RNF31: variants seen among roughly 807,000 people sequenced by gnomAD.
The protein encoded by RNF31 is ring finger protein 31, also known as E3 ubiquitin-protein ligase RNF31.
A neutral mutation model predicts 133.6 loss-of-function variants in RNF31; 38 were observed. The ratio of observed to expected loss-of-function variants is 0.28; its 90% CI spans 0.22 to 0.37. The LOEUF is 0.37. Ranked by LOEUF, RNF31 falls within the 10% of genes least tolerant of loss-of-function variation. The pLI is 1.00. For synonymous variants in RNF31, 582 were observed against 552.3 expected (o/e 1.05, Z -0.75); for missense variants, 1,118 against 1,394.1 (o/e 0.80, Z 3.15).
rs1594374055 is a variant in RNF31 at position 24,148,632 on chromosome 14, A to G, written c.496-10A>G. 1.2e-6 allele frequency: 2 copies of G among 1,614,090 alleles called. No individual in the cohort carries two copies. Among genetic ancestry groups the G allele is most frequent in the Admixed American group, 1.7e-5 (1 of 60,014 alleles). On this transcript the variant is annotated splice_polypyrimidine_tract_variant and intron_variant, in intron 3 of 20. Transcript: ENST00000324103. The stretch of plus-strand genomic sequence containing the variant: ...CTAGCTGGAAACCGTTTTTATCTGT[A>G]TTATTGCAGAATACTCATCCAAGAC...
At chr14:24,154,346 G>A (rs1054635600) in intron 11 of RNF31, among the ~76,000 whole-genome samples, 1 of 151,988 alleles carries the variant, frequency 6.6e-6, no homozygotes, top group Non-Finnish European at 1.5e-5. Context: ...TAGTAGAGAC[G>A]GGTCAGGCTG....
chr14:24,148,910 A>G, intron 5 of RNF31, 34 bp downstream of exon 5: 2 of 1,565,962 alleles, frequency 1.3e-6, no homozygotes, highest in Non-Finnish European at 1.8e-6. Context: ...ACCAGGTAGG[A>G]AGCTATATTG....
chr14:24,149,242 C>G (rs2038226608), intron 5 of RNF31, 164 bp from the exon 6 acceptor site: 4 of 724,150 alleles, frequency 5.5e-6, no homozygotes, highest in Non-Finnish European at 8.9e-6. Context: ...AGATTACCTG[C>G]ATGAGCCACC....
At position 24,149,440 on chromosome 14, in the gene RNF31, T is replaced by C; in HGVS notation, c.666T>C (p.Ser222=). ...STPGPCFLCG[S]APGTLHCPSC... is the part of the protein sequence containing the mutation. ...CTGGTCCCTGCTTCCTCTGTGGTTC[T>C]GCCCCAGGCACACTGCACTGCCCAT... The change falls in exon 6 of 21, where the codon TCT becomes TCC. Residue 222 remains serine, a synonymous_variant. Transcript: ENST00000324103. The C allele has an allele frequency of 1.2e-6, 2 of 1,614,194 alleles. No homozygotes were observed. The highest frequency in any genetic ancestry group is 1.7e-6 in the Non-Finnish European group (2 of 1,180,014).
intron 5 of RNF31, 154 bp from the exon 6 acceptor site, chr14:24,149,252 C>T (rs2038226735): frequency 3.8e-6 from 3 of 791,112 alleles, no homozygotes; most frequent in Admixed American, 2.9e-5. Context: ...CATGAGCCAC[C>T]ACGCCCGGCC....
chr14:24,159,222 C>T (rs2038400230), intron 18 of RNF31, among the ~76,000 whole-genome samples: 1 of 151,338 alleles, frequency 6.6e-6, no homozygotes, highest in Admixed American at 6.6e-5. Context: ...TGGCAGGCAC[C>T]TGTAATCCCA....
intron 11 of RNF31, 41 bp downstream of exon 11, chr14:24,152,033 A>G (rs777802768): frequency 1.9e-6 from 3 of 1,579,360 alleles, no homozygotes; most frequent in Admixed American, 1.7e-5. Flanking sequence ...GAATTACTCT[A>G]TTCTTTTGGA....
At chr14:24,159,584 C>CAAAAAAAAAAAAAAAAAAAAAAAAACA (rs59295225) in intron 18 of RNF31, among the ~76,000 whole-genome samples, 1 of 82,196 alleles carries the variant, frequency 1.2e-5, no homozygotes, top group Non-Finnish European at 2.5e-5. Flanking sequence ...AAATAACAAC[C>CAAAAAAAAAAAAAAAAAAAAAAAAACA]AAAAAAAAAA....
intron 14 of RNF31, among the ~76,000 whole-genome samples, chr14:24,156,453 G>A (rs2038342131): frequency 6.6e-6 from 1 of 152,092 alleles, no homozygotes; most frequent in African/African-American, 2.4e-5. Context: ...ACAGGCATGA[G>A]CCACTATGCC....
At chr14:24,159,010 G>A (rs1274833268) in intron 18 of RNF31, among the ~76,000 whole-genome samples, 1 of 136,616 alleles carries the variant, frequency 7.3e-6, no homozygotes, top group Non-Finnish European at 1.5e-5. Context: ...TCCAGCCTGG[G>A]CAACAGAGCG....
In RNF31 at chr14:24,147,864, C is replaced by T; in HGVS notation, c.166C>T (p.Leu56Phe). The stretch of plus-strand genomic sequence containing the variant: ...CTACCTGCAGCTGGACGCCGCACGC[C>T]TTGTCCGCTGCAACGCTCATGGGGA... ...ARYLQLDAAR[L>F]VRCNAHGEPR... is the part of the protein sequence containing the mutation. Residue 56 changes from leucine (L) to phenylalanine (F), a missense_variant, in exon 1 of 21, where the codon CTT becomes TTT. By Grantham distance (22) the Leu-to-Phe change is conservative (BLOSUM62 0). Transcript: ENST00000324103. 1 of 1,611,158 alleles carries T rather than the reference C, an allele frequency of 6.2e-7. No homozygotes were observed. The highest frequency in any genetic ancestry group is 8.5e-7 in the Non-Finnish European group (1 of 1,179,684).
Position 24,157,905 on chromosome 14 carries a change from C to T in RNF31, c.2735C>T (p.Pro912Leu). ...YNAFYAKNKC[P>L]EPNCRVKKSL... ...CATCTGGGTTTCTGCCAGAAATGTC[C>T]AGAGCCTAACTGCAGGGTGAAAAAG... Residue 912 changes from proline to leucine, a missense_variant, in exon 17 of 21, where the codon CCA (proline) becomes CTA (leucine). Physicochemically the swap from Pro to Leu is moderately conservative, Grantham distance 98 (BLOSUM62 -3). Coordinates refer to ENST00000324103, the MANE Select transcript of RNF31 (RefSeq NM_017999.5). The T allele has an allele frequency of 1.2e-6, 2 of 1,613,778 alleles. No individual in the cohort carries two copies. The highest frequency in any genetic ancestry group is 2.2e-5 in the South Asian group (2 of 91,064).
rs898431473 is a variant in RNF31 at position 24,148,328 on chromosome 14, G to A, written c.410G>A (p.Gly137Glu). The A allele has an allele frequency of 6.2e-7, 1 of 1,614,114 alleles. No individual in the cohort carries two copies. The highest frequency in any genetic ancestry group is 1.3e-5 in the African/African-American group (1 of 74,940). Residue 137 changes from glycine (G) to glutamate (E), a missense_variant, in exon 3 of 21, where the codon GGG becomes GAG. Gly to Glu is a moderately conservative substitution (Grantham distance 98). Transcript: ENST00000324103. ...EQPDGLSFPE[G>E]QEEPDEHQVA... ...CCAGATGGGTTGAGCTTCCCCGAAG[G>A]GCAGGAGGAGCCAGATGAGCACCAG... is the stretch of plus-strand genomic sequence containing the variant.
chr14:24,150,951 G>T, intron 8 of RNF31, 63 bp downstream of exon 8: 1 of 1,523,602 alleles, frequency 6.6e-7, no homozygotes, highest in South Asian at 1.3e-5. Flanking sequence ...TGCTGCAGGT[G>T]GTTAATAGTT....
In RNF31 at chr14:24,160,325, C is replaced by T. The variant is rs758719665; in HGVS notation, c.3083C>T (p.Thr1028Met). 7.4e-6 allele frequency: 12 copies of T among 1,614,198 alleles called. No individual in the cohort carries two copies. Among genetic ancestry groups the T allele is most frequent in the East Asian group, 4.5e-5 (2 of 44,886 alleles). The change falls in exon 20 of 21, where the codon ACG becomes ATG. Residue 1028 changes from threonine (T) to methionine (M), a missense_variant. This residue lies in a region of RNF31 where 170 missense variants were observed against 194.5 expected (regional missense o/e 0.87). Coordinates refer to ENST00000324103, the MANE Select transcript of RNF31 (RefSeq NM_017999.5). The surrounding 1 kb of genome is among the most constrained non-coding windows in gnomAD (Gnocchi z 4.0). ...TTGTATGAGGTGGAAGAGCTGGAGACGGCCACTGAGCGCTACCTGCACGTA... is the reference window on the plus strand; with the variant it reads ...TTGTATGAGGTGGAAGAGCTGGAGATGGCCACTGAGCGCTACCTGCACGTA... Reference protein sequence around the residue: ...ATLYEVEELETATERYLHVRP... With the variant: ...ATLYEVEELEMATERYLHVRP...
At chr14:24,153,336 T>G (rs981679216) in intron 11 of RNF31, among the ~76,000 whole-genome samples, 14 of 152,086 alleles carry the variant, frequency 9.2e-5, no homozygotes, top group African/African-American at 2.9e-4. Context: ...CCCTGCACTT[T>G]GGGAGGCCAA....
Position 24,151,582 on chromosome 14 carries a change from T to C in RNF31, c.1835T>C (p.Leu612Pro), listed in dbSNP as rs747554047. Residue 612 changes from leucine (L) to proline (P), a missense_variant, in exon 10 of 21, where the codon CTA becomes CCA. Physicochemically the swap from Leu to Pro is moderately conservative, Grantham distance 98. Around this residue, in one of 3 missense-constraint regions of RNF31, gnomAD observed 747 missense variants for 827.9 expected, o/e 0.90. Transcript: ENST00000324103. This position sits in a 1 kb window ranked among gnomAD's most constrained non-coding sequence, Gnocchi z 5.3. ...GATGTGTCACGGGCCCTGACTGAGC[T>C]ACAGCGCCAACGCCTAGAGCCCTTC... is the stretch of plus-strand genomic sequence containing the variant. ...GGDVSRALTE[L>P]QRQRLEPFRQ... is the part of the protein sequence containing the mutation. 11 of 1,614,096 alleles carry C rather than the reference T, an allele frequency of 6.8e-6. No individual in the cohort carries two copies. In the South Asian group the frequency reaches 1.2e-4, roughly 18 times the overall value.
intron 11 of RNF31, 83 bp downstream of exon 11, chr14:24,152,075 C>T: frequency 4.3e-6 from 6 of 1,387,440 alleles, no homozygotes; most frequent in Non-Finnish European, 5.9e-6. Flanking sequence ...CATCTCTGAT[C>T]CTGTCTTCTG....
rs771602369 is a variant in RNF31, at chr14:24,157,872, C to T, written c.2728-26C>T. The T allele has an allele frequency of 3.8e-6, 6 of 1,597,574 alleles. No homozygotes were observed. The East Asian group carries it at 1.3e-4, about 36-fold the overall frequency. ...CAGGACCCCAACAGTCTCCAACTTC[C>T]TCTCTCCCATCTGGGTTTCTGCCAG... On this transcript the variant is annotated intron_variant, in intron 16 of 20. Transcript: ENST00000324103.
Sources: gnomAD v4.1 joint callset for allele counts (sites outside exome capture counted in the v4.1 genomes callset) on GRCh38, gnomAD v4.1.1 for gene constraint, gnomAD v4.1.1 regional missense constraint, Gnocchi (gnomAD v3.1) non-coding constraint, MANE v1.5 for transcripts, NCBI Gene and HGNC (gene_info 2026-07-23, HGNC 2026-07-21) for gene names.